STPG2: variants seen among roughly 807,000 people sequenced by gnomAD.
STPG2 encodes sperm-tail PG-rich repeat-containing protein 2.
A neutral mutation model predicts 54.2 loss-of-function variants in STPG2; 56 were observed. The observed-to-expected ratio is 1.03, with a 90% CI of 0.83 to 1.29. STPG2 has a LOEUF of 1.29. Among genes scored for constraint, STPG2 ranks in the 50% most tolerant of loss-of-function variants. The probability of loss-of-function intolerance (pLI) is 0.00; values close to 1 mark genes in which losing one functional copy is unlikely to be tolerated. For synonymous variants in STPG2, 200 were observed against 181.8 expected, an observed-to-expected ratio of 1.10 and a Z score of -0.81; for missense variants, 596 against 544.9, an observed-to-expected ratio of 1.09 and a Z score of -0.93.
chr4:98,064,218 A>T (rs982605785), intron 5 of STPG2, among the ~76,000 whole-genome samples: 1 of 152,210 alleles, frequency 6.6e-6, no homozygotes, highest in African/African-American at 2.4e-5. Flanking sequence ...TTCAGTAAGA[A>T]AATTTTGCCA....
chr4:98,090,980 T>TAC (rs1042368231), intron 5 of STPG2, among the ~76,000 whole-genome samples: 3 of 56,322 alleles, frequency 5.3e-5, no homozygotes, highest in East Asian at 3.7e-4. Context: ...CACAAATACA[T>TAC]ACACACACAC....
chr4:97,454,557 A>G (rs1434305945), intron 4 of STPG2, among the ~76,000 whole-genome samples: 2 of 99,322 alleles, frequency 2.0e-5, no homozygotes, highest in Non-Finnish European at 4.7e-5. Context: ...AAAAAAAAAA[A>G]GAAAAGGGAT....
intron 5 of STPG2, among the ~76,000 whole-genome samples, chr4:98,029,410 C>A (rs537954003): frequency 6.6e-6 from 1 of 152,236 alleles, no homozygotes; most frequent in Middle Eastern, 3.4e-3. Context: ...TGATCTCTTT[C>A]TTTTTCATTA....
In STPG2 at chr4:98,007,083, G is replaced by A. The variant is rs186370784; in HGVS notation, c.613-25765C>T. ...CAGCTTCACCCCCTGCTCCAAGGCT[G>A]AATGTAAAACCCAAACACTGAGTGT... On this transcript the variant is annotated intron_variant, in intron 5 of 10. Coordinates refer to ENST00000295268, the MANE Select transcript of STPG2 (RefSeq NM_174952.3). Among the ~76,000 whole-genome samples the A allele has an allele frequency of 3.3e-5, 5 of 152,320 alleles. No homozygotes were observed. In the East Asian group the frequency reaches 9.7e-4, roughly 29 times the overall value.
intron 9 of STPG2, among the ~76,000 whole-genome samples, chr4:97,840,063 G>A (rs1366368206): frequency 2.0e-5 from 3 of 151,280 alleles, no homozygotes; most frequent in Admixed American, 1.3e-4. Context: ...CAAGAATGCT[G>A]TTACTGATAG....
rs151314611 is a variant in STPG2 at position 97,711,457 on chromosome 4, G to C, written c.1320+1242C>G. Among the ~76,000 whole-genome samples the C allele has an allele frequency of 2.9e-4, 44 of 152,054 alleles. 1 individual carries two copies. The highest frequency in any genetic ancestry group is 2.9e-3 in the Admixed American group (44 of 15,260). ...CCCTTGACTTCCACCTTCGAAAATA[G>C]TACTAATACTCTCAAGAGATTCTCC... On this transcript the variant is annotated intron_variant, in intron 10 of 10. Coordinates refer to ENST00000295268, the MANE Select transcript of STPG2 (RefSeq NM_174952.3).
At chr4:97,563,868 C>G (rs912945500) in intron 10 of STPG2, among the ~76,000 whole-genome samples, 4 of 151,966 alleles carry the variant, frequency 2.6e-5, no homozygotes, top group African/African-American at 9.7e-5. Flanking sequence ...ATGATGTGGT[C>G]AATTTTGGAA....
At chr4:97,666,071 G>A (rs1722513829) in intron 10 of STPG2, among the ~76,000 whole-genome samples, 2 of 152,174 alleles carry the variant, frequency 1.3e-5, no homozygotes, top group Admixed American at 6.5e-5. Flanking sequence ...GTTGTACCCA[G>A]AGGGCAGGGC....
chr4:97,818,562 T>C (rs1277471413), intron 9 of STPG2, among the ~76,000 whole-genome samples: 1 of 151,866 alleles, frequency 6.6e-6, no homozygotes, highest in Non-Finnish European at 1.5e-5. Flanking sequence ...AAAAGAAGAC[T>C]GCTGTATTTT....
At chr4:97,716,469 CTAGA>C (rs1724291938) in intron 9 of STPG2, among the ~76,000 whole-genome samples, 1 of 151,984 alleles carries the variant, frequency 6.6e-6, no homozygotes, top group African/African-American at 2.4e-5. Context: ...CAATGATAGA[CTAGA>C]TAAAGAAAAT....
chr4:97,846,220 A>C (rs1728944607), intron 8 of STPG2, among the ~76,000 whole-genome samples: 1 of 152,148 alleles, frequency 6.6e-6, no homozygotes, highest in Non-Finnish European at 1.5e-5. Context: ...CTTCTTACTC[A>C]AGATAGTTGC....
chr4:97,743,407 C>G (rs1260349597), intron 9 of STPG2, among the ~76,000 whole-genome samples: 1 of 151,682 alleles, frequency 6.6e-6, no homozygotes, highest in Non-Finnish European at 1.5e-5. Flanking sequence ...CTTACATAGA[C>G]TTATTGTTAT....
chr4:97,739,972 C>T (rs1394078280), intron 9 of STPG2, among the ~76,000 whole-genome samples: 2 of 151,974 alleles, frequency 1.3e-5, no homozygotes, highest in East Asian at 1.9e-4. Context: ...CAATAAAATA[C>T]TGGCAAACCG....
intron 9 of STPG2, among the ~76,000 whole-genome samples, chr4:97,713,343 A>G (rs551648872): frequency 3.0e-4 from 45 of 152,302 alleles, no homozygotes; most frequent in African/African-American, 9.6e-4. Context: ...ACTTAAGCCA[A>G]TGGGTTCCAA....
intron 10 of STPG2, among the ~76,000 whole-genome samples, chr4:97,563,493 T>A (rs906952564): frequency 2.0e-5 from 3 of 152,212 alleles, no homozygotes; most frequent in African/African-American, 7.2e-5. Context: ...TTTGAATGTG[T>A]TTGCTTTTGC....
At chr4:97,813,488 T>C (rs953258578) in intron 9 of STPG2, among the ~76,000 whole-genome samples, 1 of 151,722 alleles carries the variant, frequency 6.6e-6, no homozygotes, top group African/African-American at 2.4e-5. Flanking sequence ...AAAATAAGTA[T>C]GTGAGGTCAT....
intron 5 of STPG2, among the ~76,000 whole-genome samples, chr4:98,077,229 TTGTTGTTG>T (rs1738197713): frequency 7.5e-5 from 11 of 146,856 alleles, no homozygotes; most frequent in Middle Eastern, 3.4e-3. Context: ...AATAGTTTTG[TTGTTGTTG>T]TTGTTGTTGT....
intron 8 of STPG2, among the ~76,000 whole-genome samples, chr4:97,927,256 T>C (rs1347922492): frequency 6.6e-6 from 1 of 152,140 alleles, no homozygotes; most frequent in African/African-American, 2.4e-5. Context: ...TAGCACAAAT[T>C]GTTCACTAAA....
At chr4:98,135,878 A>G (rs1740120898) in intron 1 of STPG2, among the ~76,000 whole-genome samples, 2 of 151,776 alleles carry the variant, frequency 1.3e-5, no homozygotes, top group African/African-American at 2.4e-5. Context: ...CAAGAACCAG[A>G]TTTCATTCCA....
Sources: allele counts gnomAD v4.1 joint callset (sites outside exome capture counted in the v4.1 genomes callset), GRCh38; gene constraint gnomAD v4.1.1; transcripts MANE v1.5; gene names NCBI Gene and HGNC (gene_info 2026-07-23, HGNC 2026-07-21).